The following NTNG2 variants were observed in gnomAD, a reference collection of about 807,000 sequenced individuals.
NTNG2 encodes netrin G2.
NTNG2 carries 15 observed loss-of-function variants against 47.6 expected under a neutral mutation model. That is an observed-to-expected ratio of 0.32 (90% CI 0.21 to 0.49). The LOEUF (loss-of-function observed/expected upper bound fraction) is 0.49, where lower values mean the gene tolerates loss of function less well. Among genes scored for constraint, NTNG2 ranks in the 20% least tolerant of loss-of-function variants. The probability of loss-of-function intolerance (pLI) is 0.99; values close to 1 mark genes in which losing one functional copy is unlikely to be tolerated. For missense variants in NTNG2, 578 were observed against 764.6 expected (o/e 0.76, Z 2.88); for synonymous variants, 307 against 324.6 (o/e 0.95, Z 0.58).
chr9:132,214,584 G>A (rs1295403454), intron 3 of NTNG2, among the ~76,000 whole-genome samples: 1 of 152,220 alleles, frequency 6.6e-6, no homozygotes, highest in Admixed American at 6.5e-5. Flanking sequence ...CTGAAAAGGT[G>A]GCTGTGGCTC....
Position 132,241,101 on chromosome 9 carries a change from C to G in NTNG2, c.1357+57C>G, listed in dbSNP as rs958380751. 322 of 1,498,530 alleles carry G rather than the reference C, an allele frequency of 2.1e-4. 2 individuals carry two copies. The East Asian group carries it at 7.7e-3, about 36-fold the overall frequency. 92.8% of individuals were successfully genotyped at this position (1,498,530 alleles called of 1,614,324 possible). On this transcript the variant is annotated intron_variant, in intron 7 of 7. Transcript: ENST00000393229. ...CTGCGGAAAGGGGACGGGGCAGGACCGAGGCAGTGGGCGGGGCCTAGTGGG... is the reference window on the plus strand; with the variant it reads ...CTGCGGAAAGGGGACGGGGCAGGACGGAGGCAGTGGGCGGGGCCTAGTGGG...
intron 6 of NTNG2, 57 bp from the exon 7 acceptor site, chr9:132,240,853 G>T: frequency 6.2e-7 from 1 of 1,610,370 alleles, no homozygotes. Context: ...GTGGGGGTCC[G>T]AGAAGACGGC....
chr9:132,223,701 G>A (rs1187213667), intron 3 of NTNG2, among the ~76,000 whole-genome samples: 3 of 152,122 alleles, frequency 2.0e-5, no homozygotes, highest in African/African-American at 4.8e-5. Context: ...CACCCCAGGC[G>A]GGACGGGTGG....
intron 4 of NTNG2, among the ~76,000 whole-genome samples, chr9:132,227,949 C>T (rs998469217): frequency 5.9e-5 from 9 of 152,186 alleles, no homozygotes; most frequent in African/African-American, 1.9e-4. Context: ...TGTCCGAGGC[C>T]CTCCTAGGCA....
intron 4 of NTNG2, among the ~76,000 whole-genome samples, chr9:132,227,914 C>T (rs1840905345): frequency 1.3e-5 from 2 of 152,230 alleles, no homozygotes; most frequent in Non-Finnish European, 2.9e-5. Context: ...TGCCACTTTA[C>T]GGCCGTTCTC....
At chr9:132,216,414 C>CTCTCTCTGTGTGTGTGTG (rs1554790515) in intron 3 of NTNG2, among the ~76,000 whole-genome samples, 2 of 110,288 alleles carry the variant, frequency 1.8e-5, no homozygotes, top group African/African-American at 9.8e-5. Context: ...CTCTCTCTCT[C>CTCTCTCTGTGTGTGTGTG]TGTGTGTGTG....
In NTNG2 at chr9:132,182,424, C is replaced by T. The variant is rs1028840819; in HGVS notation, c.213+15380C>T. On this transcript the variant is annotated intron_variant, in intron 2 of 7. Coordinates refer to ENST00000393229, the MANE Select transcript of NTNG2 (RefSeq NM_032536.4). The surrounding 1 kb of genome is among the most constrained non-coding windows in gnomAD (Gnocchi z 4.2). ...CCCCTCCCCTGCACTGGGTTGGCCG[C>T]CTCTCAGCCTAGAGGAGGGGCACTG... 6.6e-6 allele frequency among the ~76,000 whole-genome samples: 1 copy of T among 152,194 alleles called. No homozygotes were observed. The highest frequency in any genetic ancestry group is 1.5e-5 in the Non-Finnish European group (1 of 68,032).
In NTNG2 at chr9:132,242,186, G is replaced by T; in HGVS notation, c.*75G>T. 1 of 714,482 alleles carries T rather than the reference G, an allele frequency of 1.4e-6. No individual in the cohort carries two copies. Among genetic ancestry groups the T allele is most frequent in the Non-Finnish European group, 1.8e-6 (1 of 567,386 alleles). 44.3% of individuals were successfully genotyped at this position (714,482 alleles called of 1,614,324 possible). On this transcript the variant is annotated 3_prime_UTR_variant, in exon 8 of 8. Transcript: ENST00000393229. The surrounding 1 kb of genome is among the most constrained non-coding windows in gnomAD (Gnocchi z 5.9). ...TCCCGGGGCGGGGCCGGCGTCCGAG[G>T]CCGGGCGGTGAGAAGGGTGCGGCCC... is the stretch of plus-strand genomic sequence containing the variant.
At chr9:132,214,876 T>A (rs116344804) in intron 3 of NTNG2, among the ~76,000 whole-genome samples, 92,359 of 149,854 alleles carry the variant, frequency 0.62, 30,637 homozygotes, top group African/African-American at 0.9. Flanking sequence ...CAAAAAAAAT[T>A]TTTTTTTTTT....
rs567407572 is a variant in NTNG2, at chr9:132,182,077, C to T, written c.213+15033C>T. Among the ~76,000 whole-genome samples, 30 of 152,362 alleles carry T rather than the reference C, an allele frequency of 2.0e-4. No individual in the cohort carries two copies. The highest frequency in any genetic ancestry group is 2.1e-4 in the South Asian group (1 of 4,830). ...GAGAAGGGAGGGCCCGGAGGAGTGA[C>T]GGTGTTCCCCACCCCCTGCCCTTTG... On this transcript the variant is annotated intron_variant, in intron 2 of 7. Coordinates refer to ENST00000393229, the MANE Select transcript of NTNG2 (RefSeq NM_032536.4). The surrounding 1 kb of genome is among the most constrained non-coding windows in gnomAD (Gnocchi z 4.2).
chr9:132,206,498 C>G (rs1839172276), intron 3 of NTNG2, among the ~76,000 whole-genome samples: 2 of 152,188 alleles, frequency 1.3e-5, no homozygotes, highest in South Asian at 4.1e-4. Context: ...AAAACCCTGT[C>G]TCTACTAAAG....
chr9:132,171,831 C>T (rs932836441), intron 2 of NTNG2, among the ~76,000 whole-genome samples: 1 of 152,234 alleles, frequency 6.6e-6, no homozygotes, highest in African/African-American at 2.4e-5. Flanking sequence ...CTGACCGGCC[C>T]GATGGCTCTG....
chr9:132,205,894 A>G (rs1322173684), intron 3 of NTNG2, among the ~76,000 whole-genome samples: 2 of 152,186 alleles, frequency 1.3e-5, no homozygotes, highest in Admixed American at 6.5e-5. Context: ...AGAAAAAAAC[A>G]TGGTAAGGTG....
intron 3 of NTNG2, among the ~76,000 whole-genome samples, chr9:132,225,949 G>GT (rs375109462): frequency 9.8e-4 from 149 of 152,260 alleles, no homozygotes; most frequent in African/African-American, 3.4e-3. Flanking sequence ...TGTCTTTCCT[G>GT]TGCGCTCACA....
chr9:132,228,427 C>T (rs1441286737), intron 4 of NTNG2, among the ~76,000 whole-genome samples: 2 of 152,194 alleles, frequency 1.3e-5, no homozygotes, highest in Non-Finnish European at 2.9e-5. Flanking sequence ...GGTCCAAACC[C>T]TTTCCTGAGG....
chr9:132,164,833 T>C (rs563849101), intron 1 of NTNG2, among the ~76,000 whole-genome samples: 3 of 152,330 alleles, frequency 2.0e-5, no homozygotes, highest in Non-Finnish European at 2.9e-5. Context: ...ATGAGTCCCA[T>C]GCCTGGAGCC....
At chr9:132,178,561 G>A (rs1836663092) in intron 2 of NTNG2, among the ~76,000 whole-genome samples, 1 of 152,024 alleles carries the variant, frequency 6.6e-6, no homozygotes, top group East Asian at 1.9e-4. Flanking sequence ...AGAAGCAGGT[G>A]GCTGGTGTCC....
intron 2 of NTNG2, among the ~76,000 whole-genome samples, chr9:132,186,136 A>G (rs890673053): frequency 1.3e-5 from 2 of 152,236 alleles, no homozygotes; most frequent in Non-Finnish European, 2.9e-5. Context: ...AGGAGGGAGC[A>G]GTGGGGTTTC....
In NTNG2 at chr9:132,243,450, G is replaced by C. The variant is rs563091026; in HGVS notation, c.*1339G>C. The C allele has an allele frequency of 6.6e-6, 1 of 152,198 alleles. No homozygotes were observed. The highest frequency in any genetic ancestry group is 1.5e-5 in the Non-Finnish European group (1 of 68,076). The allele number at this position is 152,198 out of a possible 1,614,324, so 9.4% of individuals were successfully genotyped here. On this transcript the variant is annotated 3_prime_UTR_variant, in exon 8 of 8. Coordinates refer to ENST00000393229, the MANE Select transcript of NTNG2 (RefSeq NM_032536.4). ...GAGTGGTGAGGAAGCTCCTAGATTC[G>C]GGGCTCATCCCCTGGGGCCTCTGAT... is the stretch of plus-strand genomic sequence containing the variant.
Sources: gnomAD v4.1 joint callset for allele counts (sites outside exome capture counted in the v4.1 genomes callset) on GRCh38, gnomAD v4.1.1 for gene constraint, Gnocchi (gnomAD v3.1) non-coding constraint, MANE v1.5 for transcripts, NCBI Gene and HGNC (gene_info 2026-07-23, HGNC 2026-07-21) for gene names.